The following RFX3 variants were observed in gnomAD, a reference collection of about 807,000 sequenced individuals.
RFX3 encodes the protein transcription factor RFX3.
RFX3 carries 14 observed loss-of-function variants against 98.6 expected under a neutral mutation model. The ratio of observed to expected loss-of-function variants is 0.14; its 90% CI spans 0.09 to 0.22. The LOEUF is 0.22. Among genes scored for constraint, RFX3 ranks in the 10% least tolerant of loss-of-function variants. The pLI is 1.00. For missense variants in RFX3, 639 were observed against 926.9 expected (o/e 0.69, Z 4.03); for synonymous variants, 383 against 328.4 (o/e 1.17, Z -1.80).
intron 2 of RFX3, among the ~76,000 whole-genome samples, chr9:3,358,727 T>C (rs770674972): frequency 4.6e-5 from 7 of 152,058 alleles, no homozygotes; most frequent in Non-Finnish European, 7.4e-5. Flanking sequence ...CTGGGTAATT[T>C]ATAAAGGAAA....
intron 1 of RFX3, among the ~76,000 whole-genome samples, chr9:3,522,070 C>T (rs997795635): frequency 6.6e-6 from 1 of 151,622 alleles, no homozygotes; most frequent in Non-Finnish European, 1.5e-5. Flanking sequence ...TCCTAGAAAA[C>T]TCTAAAAGTA....
chr9:3,473,833 C>T (rs1848984176), intron 1 of RFX3, among the ~76,000 whole-genome samples: 3 of 152,062 alleles, frequency 2.0e-5, no homozygotes, highest in African/African-American at 7.2e-5. Flanking sequence ...CTAAGTCAAA[C>T]GCATTGAAAA....
rs867010076 is a variant in RFX3, at chr9:3,505,294, T to A, written c.-9+20453A>T. Among the ~76,000 whole-genome samples the A allele has an allele frequency of 3.1e-3, 243 of 78,622 alleles. 6 individuals are homozygous for A. The highest frequency in any genetic ancestry group is 0.023 in the East Asian group (32 of 1,412). 51.6% of individuals were successfully genotyped at this position (78,622 alleles called of 152,430 possible). A position where few individuals can be genotyped will look rare whatever the true frequency, so the allele number is the denominator to read the frequency against. Reference sequence around the variant, plus strand: ...TATATGAATATATACATTTTTATATTTATATATATATAAATATATATTAAT... The same window carrying A: ...TATATGAATATATACATTTTTATATATATATATATATAAATATATATTAAT... On this transcript the variant is annotated intron_variant, in intron 1 of 16. Coordinates refer to ENST00000617270, the MANE Select transcript of RFX3 (RefSeq NM_001282116.2).
intron 1 of RFX3, among the ~76,000 whole-genome samples, chr9:3,444,882 G>GA (rs1187283164): frequency 6.6e-6 from 1 of 152,204 alleles, no homozygotes; most frequent in Non-Finnish European, 1.5e-5. Flanking sequence ...CTCAGTCACA[G>GA]AAAGAGTTGA....
At chr9:3,455,800 G>A (rs1847097719) in intron 1 of RFX3, among the ~76,000 whole-genome samples, 1 of 152,234 alleles carries the variant, frequency 6.6e-6, no homozygotes, top group African/African-American at 2.4e-5. Flanking sequence ...TTAAAACCTG[G>A]AAACCATAAA....
intron 1 of RFX3, chr9:3,452,228 G>A (rs1000975202): frequency 1.2e-5 from 2 of 170,282 alleles, no homozygotes; most frequent in Non-Finnish European, 2.6e-5. Flanking sequence ...CCATTCAGAT[G>A]TCAATCTGGT....
Position 3,504,134 on chromosome 9 carries a change from TATATTATATATTATAC to T in RFX3, c.-9+21597_-9+21612del, listed in dbSNP as rs1006817900. Among the ~76,000 whole-genome samples the T allele has an allele frequency of 1.2e-3, 144 of 124,978 alleles. 1 individual carries two copies. The South Asian group carries it at 0.03, about 26-fold the overall frequency. 82.0% of individuals were successfully genotyped at this position (124,978 alleles called of 152,430 possible). A position where few individuals can be genotyped will look rare whatever the true frequency, so the allele number is the denominator to read the frequency against. ...CTCTCTCTCTCCCTCTCTCTTTATA[TATATTATATATTATAC>T]ATATTATATATTATATATATTATAT... is the stretch of plus-strand genomic sequence containing the variant. On this transcript the variant is annotated intron_variant, in intron 1 of 16. Coordinates refer to ENST00000617270, the MANE Select transcript of RFX3 (RefSeq NM_001282116.2).
Position 3,263,160 on chromosome 9 carries a change from T to A in RFX3, c.1456-76A>T, listed in dbSNP as rs564394095. The A allele has an allele frequency of 2.5e-5, 38 of 1,499,584 alleles. 2 individuals carry two copies. In the African/African-American group the frequency reaches 3.9e-4, roughly 15 times the overall value. The allele number at this position is 1,499,584 out of a possible 1,614,324, so 92.9% of individuals were successfully genotyped here. A position where few individuals can be genotyped will look rare whatever the true frequency, so the allele number is the denominator to read the frequency against. On this transcript the variant is annotated intron_variant, in intron 12 of 16. Coordinates refer to ENST00000617270, the MANE Select transcript of RFX3 (RefSeq NM_001282116.2). ...ACCACTGCAATTTTCAAATCTTCTTTCCCTTCACAAATTTTAAATGCTTGC... is the reference window on the plus strand; with the variant it reads ...ACCACTGCAATTTTCAAATCTTCTTACCCTTCACAAATTTTAAATGCTTGC...
chr9:3,294,105 A>G (rs537840988), intron 5 of RFX3, among the ~76,000 whole-genome samples: 3 of 152,298 alleles, frequency 2.0e-5, no homozygotes, highest in Non-Finnish European at 4.4e-5. Context: ...ATCCAAGTCT[A>G]TATTATTGAA....
chr9:3,420,971 A>C (rs779017237), intron 1 of RFX3: 10 of 919,626 alleles, frequency 1.1e-5, no homozygotes, highest in Non-Finnish European at 1.3e-5. Context: ...TAGCCTAAGG[A>C]GTAATGAAAT....
At chr9:3,357,223 C>A (rs1442126725) in intron 2 of RFX3, among the ~76,000 whole-genome samples, 3 of 151,770 alleles carry the variant, frequency 2.0e-5, no homozygotes, top group African/African-American at 7.3e-5. Context: ...AATATGTAAA[C>A]CTTGATGGAT....
chr9:3,460,267 G>A (rs183621419), intron 1 of RFX3, among the ~76,000 whole-genome samples: 1 of 151,960 alleles, frequency 6.6e-6, no homozygotes, highest in African/African-American at 2.4e-5. Flanking sequence ...ATCTATTCTG[G>A]GCTCTACAAA....
intron 2 of RFX3, among the ~76,000 whole-genome samples, chr9:3,393,286 T>A (rs1327909141): frequency 1.3e-5 from 2 of 152,182 alleles, no homozygotes; most frequent in Admixed American, 1.3e-4. Context: ...GCCATTTTTT[T>A]AAAATAACAG....
At chr9:3,343,944 T>C (rs1834165490) in intron 3 of RFX3, among the ~76,000 whole-genome samples, 2 of 152,208 alleles carry the variant, frequency 1.3e-5, no homozygotes, top group African/African-American at 4.8e-5. Context: ...TAGCACTAAA[T>C]ATTTGCTTTG....
At chr9:3,305,741 G>C (rs1402340305) in intron 4 of RFX3, among the ~76,000 whole-genome samples, 2 of 151,990 alleles carry the variant, frequency 1.3e-5, no homozygotes, top group Admixed American at 6.6e-5. Context: ...AGGGACAGAG[G>C]AATAGTGTGC....
intron 8 of RFX3, 35 bp from the exon 9 acceptor site, chr9:3,275,647 TG>T: frequency 7.6e-7 from 1 of 1,314,814 alleles, no homozygotes; most frequent in South Asian, 1.2e-5. Context: ...AAAAAGCTAT[TG>T]TGGATGGTGC....
At chr9:3,447,071 T>C (rs1846118636) in intron 1 of RFX3, among the ~76,000 whole-genome samples, 1 of 152,098 alleles carries the variant, frequency 6.6e-6, no homozygotes, top group Non-Finnish European at 1.5e-5. Flanking sequence ...TCAGAATCCC[T>C]TAGTCTATGA....
chr9:3,466,445 A>G (rs571515197), intron 1 of RFX3, among the ~76,000 whole-genome samples: 18 of 152,318 alleles, frequency 1.2e-4, no homozygotes, highest in Middle Eastern at 3.4e-3. Context: ...TCAAATGCAT[A>G]TGGCTAGGTT....
chr9:3,366,198 C>A (rs1479747436), intron 2 of RFX3, among the ~76,000 whole-genome samples: 1 of 152,136 alleles, frequency 6.6e-6, no homozygotes, highest in East Asian at 1.9e-4. Context: ...GGACCCAACA[C>A]AAATACAAGG....
Sources: allele counts gnomAD v4.1 joint callset (sites outside exome capture counted in the v4.1 genomes callset), GRCh38; gene constraint gnomAD v4.1.1; transcripts MANE v1.5; gene names NCBI Gene and HGNC (gene_info 2026-07-23, HGNC 2026-07-21).